AFF3: variants seen among roughly 807,000 people sequenced by gnomAD.
AFF3 encodes AF4/FMR2 family member 3.
AFF3 carries 32 observed loss-of-function variants against 129.7 expected under a neutral mutation model. The observed-to-expected ratio is 0.25, with a 90% confidence interval of 0.19 to 0.33. The LOEUF (loss-of-function observed/expected upper bound fraction) is 0.33, where lower values mean the gene tolerates loss of function less well. AFF3 is among the 10% of genes least tolerant of loss of function. The pLI is 1.00. For synonymous variants in AFF3, 644 were observed against 635.4 expected, an observed-to-expected ratio of 1.01 and a Z score of -0.20; for missense variants, 1,373 against 1,592.0, an observed-to-expected ratio of 0.86 and a Z score of 2.34.
chr2:100,084,477 C>T (rs966060044), intron 4 of AFF3, among the ~76,000 whole-genome samples: 3 of 152,334 alleles, frequency 2.0e-5, no homozygotes, highest in East Asian at 3.9e-4. Flanking sequence ...TTAATCATTA[C>T]AGTTCCTGCC....
intron 7 of AFF3, among the ~76,000 whole-genome samples, chr2:99,915,421 G>T (rs930877310): frequency 6.6e-6 from 1 of 152,046 alleles, no homozygotes; most frequent in Non-Finnish European, 1.5e-5. Flanking sequence ...TACAAACCTG[G>T]CCTGGATACC....
At chr2:99,891,583 G>A (rs1693555374) in intron 7 of AFF3, among the ~76,000 whole-genome samples, 1 of 152,180 alleles carries the variant, frequency 6.6e-6, no homozygotes, top group South Asian at 2.1e-4. Flanking sequence ...GCAGGCGGGC[G>A]ACTGAGCTTT....
intron 16 of AFF3, 122 bp downstream of exon 16, chr2:99,587,032 C>T: frequency 7.4e-7 from 1 of 1,342,400 alleles, no homozygotes; most frequent in East Asian, 2.3e-5. Flanking sequence ...AGGAGGGAAG[C>T]AAGTCTGCAG....
chr2:99,987,764 T>A (rs931018616), intron 7 of AFF3, among the ~76,000 whole-genome samples: 2 of 152,238 alleles, frequency 1.3e-5, no homozygotes, highest in African/African-American at 4.8e-5. Context: ...TTTAAAAATG[T>A]ATTCTATGCT....
chr2:99,834,594 G>A (rs1296010530), intron 8 of AFF3, among the ~76,000 whole-genome samples: 1 of 152,092 alleles, frequency 6.6e-6, no homozygotes, highest in Non-Finnish European at 1.5e-5. Context: ...CCACCAAAAG[G>A]GCACTTGCAA....
chr2:99,681,875 TCAGC>T (rs1312880085), intron 11 of AFF3, among the ~76,000 whole-genome samples: 1 of 151,912 alleles, frequency 6.6e-6, no homozygotes, highest in East Asian at 1.9e-4. Context: ...AATCTTCTAT[TCAGC>T]CAGGGTTGAG....
At chr2:99,680,101 T>A (rs1352668077) in intron 11 of AFF3, among the ~76,000 whole-genome samples, 1 of 152,198 alleles carries the variant, frequency 6.6e-6, no homozygotes. Context: ...AAATGCTCCA[T>A]CTTTTCCACT....
intron 20 of AFF3, among the ~76,000 whole-genome samples, chr2:99,564,671 C>T (rs892200173): frequency 2.0e-5 from 3 of 152,108 alleles, no homozygotes; most frequent in African/African-American, 7.2e-5. Context: ...AGATCACATC[C>T]TAAGATGATT....
chr2:99,733,127 C>A (rs1679967564), intron 10 of AFF3, among the ~76,000 whole-genome samples: 1 of 151,918 alleles, frequency 6.6e-6, no homozygotes, highest in Non-Finnish European at 1.5e-5. Context: ...TGCCTGTAAT[C>A]CTAGCACTTT....
chr2:99,732,069 T>C (rs1016386917), intron 10 of AFF3, among the ~76,000 whole-genome samples: 1 of 152,110 alleles, frequency 6.6e-6, no homozygotes, highest in Admixed American at 6.6e-5. Context: ...GGTAAAAGAA[T>C]TGTGGCTGGG....
At chr2:99,742,929 C>T (rs1317619253) in intron 10 of AFF3, among the ~76,000 whole-genome samples, 2 of 152,190 alleles carry the variant, frequency 1.3e-5, no homozygotes, top group African/African-American at 4.8e-5. Flanking sequence ...TCCCCCTTTA[C>T]CCTGAACATT....
chr2:100,031,623 G>A (rs35730185), intron 4 of AFF3, among the ~76,000 whole-genome samples: 23,715 of 152,136 alleles, frequency 0.16, 2,104 homozygotes, highest in East Asian at 0.29. Flanking sequence ...ATAGGTCTGA[G>A]GCACCTTGTA....
At chr2:99,798,565 A>C (rs1685709791) in intron 8 of AFF3, among the ~76,000 whole-genome samples, 1 of 151,980 alleles carries the variant, frequency 6.6e-6, no homozygotes, top group African/African-American at 2.4e-5. Context: ...ATTTATAAGA[A>C]ATATACTGTA....
chr2:100,017,444 T>A (rs896308595), intron 4 of AFF3, among the ~76,000 whole-genome samples: 1 of 152,190 alleles, frequency 6.6e-6, no homozygotes, highest in African/African-American at 2.4e-5. Flanking sequence ...TCTAGATCTC[T>A]ACTTTAGCTA....
chr2:99,569,346 TAA>T (rs1676270671), intron 18 of AFF3, among the ~76,000 whole-genome samples: 1 of 152,214 alleles, frequency 6.6e-6, no homozygotes, highest in Non-Finnish European at 1.5e-5. Flanking sequence ...CTTATGAAAA[TAA>T]GTGTCATTTA....
intron 7 of AFF3, among the ~76,000 whole-genome samples, chr2:99,967,196 G>A (rs1312481772): frequency 1.3e-5 from 2 of 151,842 alleles, no homozygotes; most frequent in Non-Finnish European, 2.9e-5. Flanking sequence ...CAGGTACACA[G>A]GTATTCCCCA....
intron 11 of AFF3, chr2:99,707,568 A>AG (rs1325634842): frequency 1.0e-6 from 1 of 985,022 alleles, no homozygotes; most frequent in Non-Finnish European, 1.2e-6. Flanking sequence ...CTCGCTGAAA[A>AG]AAAAATCCCC....
intron 7 of AFF3, among the ~76,000 whole-genome samples, chr2:100,003,240 G>T (rs1681600167): frequency 6.6e-6 from 1 of 152,148 alleles, no homozygotes; most frequent in South Asian, 2.1e-4. Flanking sequence ...CCACAAAACT[G>T]TATCTGCCTC....
At chr2:99,867,439 C>T (rs757026052) in intron 7 of AFF3, among the ~76,000 whole-genome samples, 19 of 151,906 alleles carry the variant, frequency 1.3e-4, no homozygotes, top group African/African-American at 4.6e-4. Context: ...GCTTGTATTA[C>T]GGCAGATGAG....
Sources: gnomAD v4.1 joint callset for allele counts (sites outside exome capture counted in the v4.1 genomes callset) on GRCh38, gnomAD v4.1.1 for gene constraint, MANE v1.5 for transcripts, NCBI Gene and HGNC (gene_info 2026-07-23, HGNC 2026-07-21) for gene names.